Variants in ZNF24 observed in about 807,000 individuals in gnomAD.
The protein encoded by ZNF24 is zinc finger protein 24, also known as retinoic acid suppression protein A.
ZNF24 carries 11 observed loss-of-function variants against 40.9 expected under a neutral mutation model. The ratio of observed to expected loss-of-function variants is 0.27; its 90% CI spans 0.17 to 0.45. The LOEUF (loss-of-function observed/expected upper bound fraction) is 0.45, where lower values mean the gene tolerates loss of function less well. ZNF24 is among the 20% of genes least tolerant of loss of function. The pLI is 1.00. For missense variants in ZNF24, 293 were observed against 437.7 expected (o/e 0.67, Z 2.95); for synonymous variants, 139 against 154.7 (o/e 0.90, Z 0.75).
Position 35,332,525 on chromosome 18 carries a change from C to A in ZNF24, c.*4707G>T. 1 of 152,768 alleles carries A rather than the reference C, an allele frequency of 6.5e-6. No homozygotes were observed. The allele number at this position is 152,768 out of a possible 1,614,324, so 9.5% of individuals were successfully genotyped here. A position where few individuals can be genotyped will look rare whatever the true frequency, so the allele number is the denominator to read the frequency against. ...CCGAGTTTCTCCTCAGACAGACTCT[C>A]TCCACATGGCACAAATTCAGGCTTA... On this transcript the variant is annotated 3_prime_UTR_variant, in exon 4 of 4. Coordinates refer to ENST00000261332, the MANE Select transcript of ZNF24 (RefSeq NM_006965.4).
intron 1 of ZNF24, among the ~76,000 whole-genome samples, chr18:35,341,896 T>G (rs2143857352): frequency 6.6e-6 from 1 of 151,878 alleles, no homozygotes; most frequent in African/African-American, 2.4e-5. Context: ...AAAAATGAAT[T>G]TAAAAATAGC....
In ZNF24 at chr18:35,333,378, T is replaced by A. The variant is rs1405686051; in HGVS notation, c.*3854A>T. On this transcript the variant is annotated 3_prime_UTR_variant, in exon 4 of 4. Transcript: ENST00000261332. ...TTCGTACGGAAAGGTGACTAGAGGATGTATGTTAAACTGTGGTAAGTGGAA... is the reference window on the plus strand; with the variant it reads ...TTCGTACGGAAAGGTGACTAGAGGAAGTATGTTAAACTGTGGTAAGTGGAA... 6 of 152,304 alleles carry A rather than the reference T, an allele frequency of 3.9e-5. No homozygotes were observed. The South Asian group carries it at 1.0e-3, about 26-fold the overall frequency. 9.4% of individuals were successfully genotyped at this position (152,304 alleles called of 1,614,324 possible). A position where few individuals can be genotyped will look rare whatever the true frequency, so the allele number is the denominator to read the frequency against.
chr18:35,338,318 G>A, intron 3 of ZNF24: 10 of 985,482 alleles, frequency 1.0e-5, no homozygotes, highest in Non-Finnish European at 1.2e-5. Context: ...TAAGCTGGGG[G>A]CCTCCTGTGT....
Position 35,337,559 on chromosome 18 carries a change from G to C in ZNF24, c.780C>G (p.Phe260Leu). The change falls in exon 4 of 4, where the codon TTC becomes TTG. Residue 260 changes from phenylalanine (F) to leucine (L), a missense_variant. By Grantham distance (22) the Phe-to-Leu change is conservative (BLOSUM62 0). Coordinates refer to ENST00000261332, the MANE Select transcript of ZNF24 (RefSeq NM_006965.4). ...GAAGAATAAGGGCTGAGCCCTGACT[G>C]AAGTGTTTTCCACATTCATCACATA... ...QHICDECGKH[F>L]SQGSALILHQ... The C allele has an allele frequency of 1.2e-6, 2 of 1,614,138 alleles. No homozygotes were observed. Among genetic ancestry groups the C allele is most frequent in the Non-Finnish European group, 1.7e-6 (2 of 1,179,982 alleles).
chr18:35,341,077 T>C (rs1439911868), intron 1 of ZNF24, among the ~76,000 whole-genome samples: 1 of 152,152 alleles, frequency 6.6e-6, no homozygotes, highest in Non-Finnish European at 1.5e-5. Flanking sequence ...GAAAATGATA[T>C]GAAATTAACA....
Position 35,340,146 on chromosome 18 carries a change from C to G in ZNF24, c.420+85G>C. The G allele has an allele frequency of 6.5e-7, 1 of 1,530,108 alleles. No individual in the cohort carries two copies. The highest frequency in any genetic ancestry group is 1.2e-5 in the South Asian group (1 of 80,542). The allele number at this position is 1,530,108 out of a possible 1,614,324, so 94.8% of individuals were successfully genotyped here. On this transcript the variant is annotated intron_variant, in intron 2 of 3. Coordinates refer to ENST00000261332, the MANE Select transcript of ZNF24 (RefSeq NM_006965.4). This position sits in a 1 kb window ranked among gnomAD's most constrained non-coding sequence, Gnocchi z 4.6. Reference sequence around the variant, plus strand: ...GGAAAAGGCATAAACATAATTCTAACTTAGTTGAGTGGAATTAATTCAGCA... The same window carrying G: ...GGAAAAGGCATAAACATAATTCTAAGTTAGTTGAGTGGAATTAATTCAGCA...
rs931539819 is a variant in ZNF24 at position 35,336,202 on chromosome 18, A to G, written c.*1030T>C. On this transcript the variant is annotated 3_prime_UTR_variant, in exon 4 of 4. Transcript: ENST00000261332. ...GTGCCTTGTCGGTAGAAAATGTTTA[A>G]TAATAAATGCATGGCTGCTTTTTTA... The G allele has an allele frequency of 6.6e-6, 1 of 152,640 alleles. No homozygotes were observed. Among genetic ancestry groups the G allele is most frequent in the Non-Finnish European group, 1.5e-5 (1 of 68,032 alleles). 9.5% of individuals were successfully genotyped at this position (152,640 alleles called of 1,614,324 possible). A position where few individuals can be genotyped will look rare whatever the true frequency, so the allele number is the denominator to read the frequency against.
chr18:35,341,922 G>A (rs191105032), intron 1 of ZNF24, among the ~76,000 whole-genome samples: 35 of 152,282 alleles, frequency 2.3e-4, no homozygotes, highest in African/African-American at 6.7e-4. Flanking sequence ...GCTGTGCCGG[G>A]CACGGTGGCT....
intron 3 of ZNF24, chr18:35,338,645 G>C (rs776929835): frequency 2.5e-5 from 25 of 1,011,504 alleles, no homozygotes; most frequent in Non-Finnish European, 2.8e-5. Flanking sequence ...TTAACAAAAA[G>C]ATCAAGTCAG....
chr18:35,340,662 A>C lies in ZNF24; in HGVS notation c.-12T>G. The C allele has an allele frequency of 1.2e-6, 2 of 1,604,156 alleles. No individual in the cohort carries two copies. The highest frequency in any genetic ancestry group is 1.7e-6 in the Non-Finnish European group (2 of 1,175,922). ...GACTGTGCAGACATTCTGATTTATA[A>C]TATTTCAAGAAAAGACAACTGAGGC... On this transcript the variant is annotated 5_prime_UTR_variant, in exon 2 of 4. Transcript: ENST00000261332. The surrounding 1 kb of genome is among the most constrained non-coding windows in gnomAD (Gnocchi z 4.6).
Position 35,340,645 on chromosome 18 carries a change from A to G in ZNF24, c.6T>C (p.Ser2=). The G allele has an allele frequency of 6.2e-7, 1 of 1,611,662 alleles. No individual in the cohort carries two copies. Among genetic ancestry groups the G allele is most frequent in the Non-Finnish European group, 8.5e-7 (1 of 1,179,494 alleles). ...TTGAATCTTCTTCCACTGACTGTGC[A>G]GACATTCTGATTTATAATATTTCAA... M[S]AQSVEEDSIL... is the part of the protein sequence containing the mutation. Residue 2 remains serine, a synonymous_variant, in exon 2 of 4, where the codon TCT becomes TCC. Transcript: ENST00000261332. This position sits in a 1 kb window ranked among gnomAD's most constrained non-coding sequence, Gnocchi z 4.6.
chr18:35,337,202 A>G lies in ZNF24; in HGVS notation c.*30T>C, dbSNP rs1489151069. The G allele has an allele frequency of 2.3e-5, 32 of 1,409,544 alleles. No homozygotes were observed. The highest frequency in any genetic ancestry group is 2.9e-5 in the Non-Finnish European group (31 of 1,070,386). The allele number at this position is 1,409,544 out of a possible 1,614,324, so 87.3% of individuals were successfully genotyped here. On this transcript the variant is annotated 3_prime_UTR_variant, in exon 4 of 4. Coordinates refer to ENST00000261332, the MANE Select transcript of ZNF24 (RefSeq NM_006965.4). Reference sequence around the variant, plus strand: ...CTTCATTTCTGAAGAAAAAGACCTGAGTGCTGATTCTTTTTTTTTTTTCAA... The same window carrying G: ...CTTCATTTCTGAAGAAAAAGACCTGGGTGCTGATTCTTTTTTTTTTTTCAA...
rs1311983814 is a variant in ZNF24 at position 35,341,782 on chromosome 18, G to A, written c.-83-1049C>T. Among the ~76,000 whole-genome samples the A allele has an allele frequency of 2.0e-5, 3 of 152,162 alleles. No homozygotes were observed. In the East Asian group the frequency reaches 5.8e-4, roughly 29 times the overall value. ...ACCTGTAATCCCAGCACTATAGGAG[G>A]CTGAGGCAGGAGGATCACTAAAGAC... is the stretch of plus-strand genomic sequence containing the variant. On this transcript the variant is annotated intron_variant, in intron 1 of 3. Transcript: ENST00000261332.
chr18:35,337,683 A>G lies in ZNF24; in HGVS notation c.656T>C (p.Leu219Pro), dbSNP rs1266441689. The change falls in exon 4 of 4, where the codon CTC becomes CCC. Residue 219 changes from leucine (L) to proline (P), a missense_variant. Coordinates refer to ENST00000261332, the MANE Select transcript of ZNF24 (RefSeq NM_006965.4). ...ALESHEVPGT[L>P]NMGVPQIFKY... ...AAAAATTTGAGGAACACCCATATTG[A>G]GAGTGCCAGGAACTTCATGGGATTC... 5 of 1,613,146 alleles carry G rather than the reference A, an allele frequency of 3.1e-6. No individual in the cohort carries two copies. Among genetic ancestry groups the G allele is most frequent in the South Asian group, 1.1e-5 (1 of 91,040 alleles).
In ZNF24 at chr18:35,340,107, G is replaced by C; in HGVS notation, c.420+124C>G. 2.0e-6 allele frequency: 3 copies of C among 1,481,952 alleles called. No individual in the cohort carries two copies. The highest frequency in any genetic ancestry group is 2.8e-6 in the Non-Finnish European group (3 of 1,088,696). 91.8% of individuals were successfully genotyped at this position (1,481,952 alleles called of 1,614,324 possible). ...CAAAGCGGCACAGATAACAAGGAGT[G>C]GTAGGGGAATGGGGGAAAAGGCATA... is the stretch of plus-strand genomic sequence containing the variant. On this transcript the variant is annotated intron_variant, in intron 2 of 3. Transcript: ENST00000261332. This position sits in a 1 kb window ranked among gnomAD's most constrained non-coding sequence, Gnocchi z 4.6.
Position 35,340,135 on chromosome 18 carries a change from CA to C in ZNF24, c.420+95del, listed in dbSNP as rs546251426. 1.3e-6 allele frequency: 2 copies of C among 1,519,956 alleles called. No individual in the cohort carries two copies. The highest frequency in any genetic ancestry group is 1.8e-6 in the Non-Finnish European group (2 of 1,119,440). The allele number at this position is 1,519,956 out of a possible 1,614,324, so 94.2% of individuals were successfully genotyped here. ...AGGGGAATGGGGGAAAAGGCATAAA[CA>C]TAATTCTAACTTAGTTGAGTGGAAT... is the stretch of plus-strand genomic sequence containing the variant. On this transcript the variant is annotated intron_variant, in intron 2 of 3. Transcript: ENST00000261332. This position sits in a 1 kb window ranked among gnomAD's most constrained non-coding sequence, Gnocchi z 4.6.
chr18:35,340,480 C>A lies in ZNF24; in HGVS notation c.171G>T (p.Gln57His). 6.2e-7 allele frequency: 1 copy of A among 1,614,230 alleles called. No individual in the cohort carries two copies. The highest frequency in any genetic ancestry group is 8.5e-7 in the Non-Finnish European group (1 of 1,180,034). The change falls in exon 2 of 4, where the codon CAG (glutamine) becomes CAT (histidine). Residue 57 changes from glutamine (Q) to histidine (H), a missense_variant. By Grantham distance (24) the Gln-to-His change is conservative. Transcript: ENST00000261332. This position sits in a 1 kb window ranked among gnomAD's most constrained non-coding sequence, Gnocchi z 4.6. ...DPEIFRQRFR[Q>H]FGYQDSPGPR... is the part of the protein sequence containing the mutation. Reference sequence around the variant, plus strand: ...GCCCAGGTGAATCCTGGTATCCAAACTGCCTGAATCGCTGTCGGAAAATCT... The same window carrying A: ...GCCCAGGTGAATCCTGGTATCCAAAATGCCTGAATCGCTGTCGGAAAATCT...
rs55689466 is a variant in ZNF24 at position 35,333,987 on chromosome 18, T to G, written c.*3245A>C. 0.31 allele frequency: 47,837 copies of G among 152,064 alleles called. 8,785 individuals are homozygous for G. Among genetic ancestry groups the G allele is most frequent in the Non-Finnish European group, 0.39 (26,781 of 67,980 alleles). The allele number at this position is 152,064 out of a possible 1,614,324, so 9.4% of individuals were successfully genotyped here. On this transcript the variant is annotated 3_prime_UTR_variant, in exon 4 of 4. Coordinates refer to ENST00000261332, the MANE Select transcript of ZNF24 (RefSeq NM_006965.4). ...ATGTGAAATGGGGTTATGTCCTACT[T>G]TATACGGTAGCTGAGGATTAAGAGT...
chr18:35,342,013 T>C (rs2044972850), intron 1 of ZNF24, among the ~76,000 whole-genome samples: 1 of 152,182 alleles, frequency 6.6e-6, no homozygotes, highest in Non-Finnish European at 1.5e-5. Context: ...CTGGCCAACA[T>C]GGTGAAACCC....
Sources: gnomAD v4.1 joint callset for allele counts (sites outside exome capture counted in the v4.1 genomes callset) on GRCh38, gnomAD v4.1.1 for gene constraint, Gnocchi (gnomAD v3.1) non-coding constraint, MANE v1.5 for transcripts, NCBI Gene and HGNC (gene_info 2026-07-23, HGNC 2026-07-21) for gene names.